Variants in WDFY4 observed in about 807,000 individuals in gnomAD.
WDFY4 encodes the protein WDFY family member 4, also known as WD repeat- and FYVE domain-containing protein 4.
Under a neutral mutation model 351.9 loss-of-function variants are expected in WDFY4, and 169 were observed. That is an observed-to-expected ratio of 0.48 (90% CI 0.42 to 0.55). WDFY4 has a LOEUF of 0.55. Among genes scored for constraint, WDFY4 ranks in the 20% least tolerant of loss-of-function variants. The probability of loss-of-function intolerance (pLI) is 0.00; values close to 1 mark genes in which losing one functional copy is unlikely to be tolerated. For synonymous variants in WDFY4, 1,622 were observed against 1,574.6 expected (o/e 1.03, Z -0.71); for missense variants, 3,803 against 3,935.6 (o/e 0.97, Z 0.90).
chr10:48,720,115 G>A lies in WDFY4; in HGVS notation c.339G>A (p.Gly113=), dbSNP rs752641218. The A allele has an allele frequency of 4.5e-6, 7 of 1,551,660 alleles. No homozygotes were observed. The highest frequency in any genetic ancestry group is 6.1e-6 in the Non-Finnish European group (7 of 1,146,992). ...LAQQLQKALV[G]KPAEQARLAA... The stretch of plus-strand genomic sequence containing the variant: ...AGCAACTCCAGAAGGCCCTTGTGGG[G>A]AAGCCTGCGGGTAAGAGCATGGAGG... Residue 113 remains glycine, a synonymous_variant, in exon 3 of 62, where the codon GGG becomes GGA. Transcript: ENST00000325239.
intron 4 of WDFY4, among the ~76,000 whole-genome samples, chr10:48,721,917 C>CCT (rs1053169144): frequency 2.0e-4 from 31 of 152,270 alleles, no homozygotes; most frequent in Admixed American, 4.6e-4. Context: ...CCTGTAGGTA[C>CCT]CTGTCTCGCC....
intron 44 of WDFY4, 128 bp from the exon 45 acceptor site, chr10:48,897,326 A>G: frequency 7.5e-7 from 1 of 1,330,080 alleles, no homozygotes; most frequent in Non-Finnish European, 1.0e-6. Flanking sequence ...GGCAGTGACC[A>G]CCGCACTTCT....
At chr10:48,815,150 A>G (rs2067578554) in intron 31 of WDFY4, among the ~76,000 whole-genome samples, 1 of 152,182 alleles carries the variant, frequency 6.6e-6, no homozygotes, top group African/African-American at 2.4e-5. Context: ...GAAAGATTGC[A>G]TTAGTCATTA....
intron 39 of WDFY4, among the ~76,000 whole-genome samples, chr10:48,837,223 G>A (rs760570341): frequency 2.6e-5 from 4 of 152,082 alleles, no homozygotes; most frequent in South Asian, 4.2e-4. Context: ...AGGAGGTGAC[G>A]CCTAGAGCTG....
At chr10:48,819,806 G>T (rs2067751568) in intron 32 of WDFY4, among the ~76,000 whole-genome samples, 1 of 152,104 alleles carries the variant, frequency 6.6e-6, no homozygotes, top group East Asian at 1.9e-4. Context: ...CACAAGATGG[G>T]CACCGACTCT....
At chr10:48,796,639 C>T (rs1223156540) in intron 24 of WDFY4, among the ~76,000 whole-genome samples, 189 bp downstream of exon 24, 1 of 152,222 alleles carries the variant, frequency 6.6e-6, no homozygotes, top group Non-Finnish European at 1.5e-5. Flanking sequence ...GACTGAGTGG[C>T]TTCGGACAAA....
rs1237828392 is a variant in WDFY4 at position 48,789,946 on chromosome 10, T to C, written c.4027T>C (p.Ser1343Pro). ...GAATTGTGCTGGCCACCTGTCAGGG[T>C]CTCTGCGGACCATTGGAGCTGTTGC... ...LRNCAGHLSG[S>P]LRTIGAVAVG... The change falls in exon 22 of 62, where the codon TCT (serine) becomes CCT (proline). Residue 1343 changes from serine to proline, a missense_variant. Ser to Pro is a moderately conservative substitution (Grantham distance 74). Around this residue, in one of 3 missense-constraint regions of WDFY4, gnomAD observed 3,054 missense variants for 3,148.6 expected, o/e 0.97. Transcript: ENST00000325239. The C allele has an allele frequency of 5.8e-6, 9 of 1,552,246 alleles. No individual in the cohort carries two copies. Among genetic ancestry groups the C allele is most frequent in the Non-Finnish European group, 7.8e-6 (9 of 1,147,152 alleles).
Position 48,777,532 on chromosome 10 carries a change from C to T in WDFY4, c.3175+37C>T, listed in dbSNP as rs149111675. ...TCCCAGATGGTTTAGCTCTCCATCC[C>T]TTCCAAAGTATGAGTCTTCAGATAG... On this transcript the variant is annotated intron_variant, in intron 17 of 61. Coordinates refer to ENST00000325239, the MANE Select transcript of WDFY4 (RefSeq NM_001394531.1). The T allele has an allele frequency of 8.6e-5, 132 of 1,526,730 alleles. 1 individual carries two copies. The African/African-American group carries it at 1.6e-3, about 18-fold the overall frequency. 94.6% of individuals were successfully genotyped at this position (1,526,730 alleles called of 1,614,324 possible).
At chr10:48,979,468 TG>T (rs1315091448) in intron 60 of WDFY4, among the ~76,000 whole-genome samples, 1 of 152,180 alleles carries the variant, frequency 6.6e-6, no homozygotes, top group African/African-American at 2.4e-5. Flanking sequence ...TTGAAGCTAT[TG>T]GGGCCCAGTA....
chr10:48,824,088 A>C, intron 35 of WDFY4: 1 of 985,462 alleles, frequency 1.0e-6, no homozygotes, highest in Non-Finnish European at 1.2e-6. Context: ...GGACCAGTCC[A>C]TGCTAAGGCT....
At chr10:48,850,190 A>G (rs2068910359) in intron 39 of WDFY4, among the ~76,000 whole-genome samples, 1 of 152,148 alleles carries the variant, frequency 6.6e-6, no homozygotes, top group African/African-American at 2.4e-5. Flanking sequence ...GCCTTTCCAC[A>G]CTTGATACTT....
At position 48,976,948 on chromosome 10, in the gene WDFY4, T is replaced by A; in HGVS notation, c.9260T>A (p.Ile3087Asn). 6.7e-7 allele frequency: 1 copy of A among 1,501,168 alleles called. No homozygotes were observed. The highest frequency in any genetic ancestry group is 8.9e-7 in the Non-Finnish European group (1 of 1,119,072). 93.0% of individuals were successfully genotyped at this position (1,501,168 alleles called of 1,614,324 possible). A position where few individuals can be genotyped will look rare whatever the true frequency, so the allele number is the denominator to read the frequency against. ...EGPAWDTSQI[I>N]ITGSQDGMVR... Reference sequence around the variant, plus strand: ...CCAGCATGGGACACAAGCCAGATCATCATCACCGGGAGTCAAGACGGCATG... The same window carrying A: ...CCAGCATGGGACACAAGCCAGATCAACATCACCGGGAGTCAAGACGGCATG... Residue 3087 changes from isoleucine (I) to asparagine (N), a missense_variant, in exon 59 of 62, where the codon ATC becomes AAC. This residue lies in a region of WDFY4 where 3,054 missense variants were observed against 3,148.6 expected (regional missense o/e 0.97). Coordinates refer to ENST00000325239, the MANE Select transcript of WDFY4 (RefSeq NM_001394531.1).
intron 47 of WDFY4, among the ~76,000 whole-genome samples, chr10:48,930,445 A>G (rs895293104): frequency 5.3e-5 from 8 of 152,176 alleles, no homozygotes; most frequent in Non-Finnish European, 7.4e-5. Context: ...CAAGTGCACT[A>G]TGGGGCTGGA....
At chr10:48,800,682 C>CTTTCTTTA (rs2067041359) in intron 24 of WDFY4, among the ~76,000 whole-genome samples, 1 of 124,878 alleles carries the variant, frequency 8.0e-6, no homozygotes, top group Non-Finnish European at 1.6e-5. Flanking sequence ...TTCTTTCTTT[C>CTTTCTTTA]TTTCTTTCTT....
chr10:48,938,715 T>TG (rs569197199), intron 47 of WDFY4, among the ~76,000 whole-genome samples: 151 of 152,244 alleles, frequency 9.9e-4, no homozygotes, highest in Middle Eastern at 3.4e-3. Context: ...GAAGCTCGTC[T>TG]GGGGGGGTAA....
At chr10:48,809,684 A>G (rs1026461262) in intron 28 of WDFY4, among the ~76,000 whole-genome samples, 1 of 152,242 alleles carries the variant, frequency 6.6e-6, no homozygotes, top group African/African-American at 2.4e-5. Context: ...CATCAACATC[A>G]TCACCATCAT....
intron 8 of WDFY4, among the ~76,000 whole-genome samples, 155 bp from the exon 9 acceptor site, chr10:48,730,955 G>A (rs769706079): frequency 6.6e-6 from 1 of 152,200 alleles, no homozygotes; most frequent in Non-Finnish European, 1.5e-5. Context: ...TCATACCCCA[G>A]GTGGCTGGCT....
At chr10:48,748,929 G>A (rs906904959) in intron 12 of WDFY4, among the ~76,000 whole-genome samples, 2 of 152,140 alleles carry the variant, frequency 1.3e-5, no homozygotes, top group Non-Finnish European at 2.9e-5. Context: ...GAAAGAGGCC[G>A]TGGGCCTTGG....
chr10:48,791,056 C>T, intron 23 of WDFY4, 139 bp downstream of exon 23: 1 of 1,078,322 alleles, frequency 9.3e-7, no homozygotes, highest in Admixed American at 2.7e-5. Flanking sequence ...CCCTTGGGTT[C>T]TGAGACCAGC....
Sources: gnomAD v4.1 joint callset for allele counts (sites outside exome capture counted in the v4.1 genomes callset) on GRCh38, gnomAD v4.1.1 for gene constraint, gnomAD v4.1.1 regional missense constraint, MANE v1.5 for transcripts, NCBI Gene and HGNC (gene_info 2026-07-23, HGNC 2026-07-21) for gene names.